The following KIAA1217 variants were observed in gnomAD, a reference collection of about 807,000 sequenced individuals.
The protein encoded by KIAA1217 is sickle tail protein homolog.
Under a neutral mutation model 163.9 loss-of-function variants are expected in KIAA1217, and 88 were observed. The ratio of observed to expected loss-of-function variants is 0.54; its 90% CI spans 0.45 to 0.64. KIAA1217 has a LOEUF of 0.64. Among genes scored for constraint, KIAA1217 ranks in the 30% least tolerant of loss-of-function variants. The probability of loss-of-function intolerance (pLI) is 0.00; values close to 1 mark genes in which losing one functional copy is unlikely to be tolerated. For synonymous variants in KIAA1217, 903 were observed against 923.1 expected (o/e 0.98, Z 0.39); for missense variants, 2,372 against 2,475.0 (o/e 0.96, Z 0.88).
At chr10:23,755,821 T>A (rs757933594) in intron 1 of KIAA1217, among the ~76,000 whole-genome samples, 1 of 152,216 alleles carries the variant, frequency 6.6e-6, no homozygotes, top group Non-Finnish European at 1.5e-5. Context: ...ATGTTCAGGA[T>A]TGTGAACCAG....
chr10:23,879,671 C>T (rs1056694200), intron 1 of KIAA1217, among the ~76,000 whole-genome samples: 1 of 151,716 alleles, frequency 6.6e-6, no homozygotes, highest in Non-Finnish European at 1.5e-5. Flanking sequence ...CCTTCTAAGA[C>T]CATTCTTTAA....
Position 24,328,479 on chromosome 10 carries a change from A to T in KIAA1217, c.355-52390A>T, listed in dbSNP as rs183494463. Among the ~76,000 whole-genome samples the T allele has an allele frequency of 3.2e-3, 461 of 142,446 alleles. 4 individuals are homozygous for T. The highest frequency in any genetic ancestry group is 0.012 in the African/African-American group (441 of 37,744). The allele number at this position is 142,446 out of a possible 152,430, so 93.5% of individuals were successfully genotyped here. A position where few individuals can be genotyped will look rare whatever the true frequency, so the allele number is the denominator to read the frequency against. The stretch of plus-strand genomic sequence containing the variant: ...AAATGTAACCATCTCAAGTTTTAAG[A>T]CTGGGGCGATCAGTTTTTATGTTTT... On this transcript the variant is annotated intron_variant, in intron 2 of 20. Coordinates refer to ENST00000376454, the MANE Select transcript of KIAA1217 (RefSeq NM_019590.5).
chr10:24,025,636 T>G (rs570454270), intron 2 of KIAA1217, among the ~76,000 whole-genome samples: 3 of 151,824 alleles, frequency 2.0e-5, no homozygotes, highest in African/African-American at 7.2e-5. Context: ...GTTTTCCAAT[T>G]CATGAACATG....
intron 7 of KIAA1217, 73 bp downstream of exon 7, chr10:24,494,677 A>G: frequency 9.7e-7 from 1 of 1,027,868 alleles, no homozygotes; most frequent in Non-Finnish European, 1.5e-6. Context: ...TAATTCATTC[A>G]TTCAAATCTG....
chr10:24,180,896 A>G (rs902561877), intron 2 of KIAA1217, among the ~76,000 whole-genome samples: 1 of 152,338 alleles, frequency 6.6e-6, no homozygotes, highest in Admixed American at 6.5e-5. Flanking sequence ...AGTCAAGAAC[A>G]GTCTGAGTCA....
chr10:23,974,139 C>T (rs1564578191), intron 1 of KIAA1217, among the ~76,000 whole-genome samples: 1 of 152,186 alleles, frequency 6.6e-6, no homozygotes, highest in Non-Finnish European at 1.5e-5. Flanking sequence ...ATTACTAATG[C>T]TGCATGATGG....
At chr10:23,773,538 G>A (rs1395727572) in intron 1 of KIAA1217, among the ~76,000 whole-genome samples, 2 of 151,952 alleles carry the variant, frequency 1.3e-5, no homozygotes, top group Non-Finnish European at 2.9e-5. Context: ...CATTGAATCT[G>A]TAAATTACTT....
chr10:24,451,408 G>A (rs1020755941), intron 5 of KIAA1217, among the ~76,000 whole-genome samples: 2 of 152,206 alleles, frequency 1.3e-5, no homozygotes, highest in African/African-American at 2.4e-5. Context: ...CTGAGAGCCC[G>A]AACTTCACCT....
At chr10:24,124,494 T>C (rs1254660844) in intron 2 of KIAA1217, among the ~76,000 whole-genome samples, 1 of 152,182 alleles carries the variant, frequency 6.6e-6, no homozygotes, top group Non-Finnish European at 1.5e-5. Context: ...ATAGAAATGT[T>C]GATAACAGGC....
At chr10:24,190,921 C>T (rs1427092426) in intron 2 of KIAA1217, among the ~76,000 whole-genome samples, 1 of 151,944 alleles carries the variant, frequency 6.6e-6, no homozygotes, top group African/African-American at 2.4e-5. Flanking sequence ...AGGCGGGGCT[C>T]GGTGGCTCAC....
intron 2 of KIAA1217, among the ~76,000 whole-genome samples, chr10:24,328,208 T>A (rs2045192380): frequency 6.6e-6 from 1 of 152,114 alleles, no homozygotes; most frequent in Non-Finnish European, 1.5e-5. Flanking sequence ...CAAATTCATC[T>A]CCCTGTCTGA....
Position 24,511,044 on chromosome 10 carries a change from G to A in KIAA1217, c.2002-2215G>A, listed in dbSNP as rs554310292. ...TGGAGGGAAGAGCATTCTGGGAGAT[G>A]GGAATAGCAGGTGCAAAGGCCTGGC... On this transcript the variant is annotated intron_variant, in intron 9 of 20. Transcript: ENST00000376454. Among the ~76,000 whole-genome samples the A allele has an allele frequency of 4.2e-4, 64 of 151,446 alleles. 1 individual carries two copies. In the South Asian group the frequency reaches 9.8e-3, roughly 23 times the overall value.
At chr10:23,762,964 A>G (rs1366091595) in intron 1 of KIAA1217, among the ~76,000 whole-genome samples, 3 of 152,186 alleles carry the variant, frequency 2.0e-5, no homozygotes, top group East Asian at 3.9e-4. Context: ...GCATTCCTAT[A>G]CACCAATAGA....
intron 2 of KIAA1217, among the ~76,000 whole-genome samples, chr10:24,082,529 G>A (rs916625892): frequency 6.6e-6 from 1 of 152,128 alleles, no homozygotes; most frequent in Non-Finnish European, 1.5e-5. Context: ...GTTTGCTGAG[G>A]ATGATGGCTT....
intron 16 of KIAA1217, 96 bp from the exon 17 acceptor site, chr10:24,536,678 T>C (rs2135253075): frequency 7.6e-7 from 1 of 1,307,336 alleles, no homozygotes; most frequent in South Asian, 1.4e-5. Flanking sequence ...AGGACCCGGG[T>C]TGGGGTCCAC....
chr10:24,354,731 T>TCC (rs1305582600), intron 2 of KIAA1217, among the ~76,000 whole-genome samples: 3 of 152,228 alleles, frequency 2.0e-5, no homozygotes, highest in African/African-American at 7.2e-5. Context: ...GTTCCTTCTC[T>TCC]TCTCTCCTCT....
At chr10:24,161,955 C>T (rs2065140352) in intron 2 of KIAA1217, among the ~76,000 whole-genome samples, 1 of 152,124 alleles carries the variant, frequency 6.6e-6, no homozygotes, top group Non-Finnish European at 1.5e-5. Flanking sequence ...ATCTGATGAG[C>T]TCAAACTTAA....
At chr10:24,379,787 G>A (rs182293267) in intron 2 of KIAA1217, among the ~76,000 whole-genome samples, 22 of 152,172 alleles carry the variant, frequency 1.4e-4, no homozygotes, top group South Asian at 8.3e-4. Context: ...ATGGTAGCTC[G>A]CACCTTGGAA....
intron 3 of KIAA1217, among the ~76,000 whole-genome samples, chr10:24,430,304 G>A (rs1410196841): frequency 6.6e-6 from 1 of 152,160 alleles, no homozygotes; most frequent in Non-Finnish European, 1.5e-5. Context: ...CCAGAATCCA[G>A]TGTGTTTGAT....
Sources: allele counts gnomAD v4.1 joint callset (sites outside exome capture counted in the v4.1 genomes callset), GRCh38; gene constraint gnomAD v4.1.1; transcripts MANE v1.5; gene names NCBI Gene and HGNC (gene_info 2026-07-23, HGNC 2026-07-21).